Variants in IL1RAPL2 observed in about 807,000 individuals in gnomAD.
The protein encoded by IL1RAPL2 is interleukin 1 receptor accessory protein like 2, also known as X-linked interleukin-1 receptor accessory protein-like 2.
In IL1RAPL2, 3 loss-of-function variants were observed where a neutral mutation model predicts 44.1. The ratio of observed to expected loss-of-function variants is 0.07; its 90% CI spans 0.03 to 0.18. The LOEUF (loss-of-function observed/expected upper bound fraction) is 0.18. IL1RAPL2 is among the 10% of genes least tolerant of loss of function. The probability of loss-of-function intolerance (pLI) is 1.00; values close to 1 mark genes in which losing one functional copy is unlikely to be tolerated. For synonymous variants in IL1RAPL2, 181 were observed against 178.8 expected (o/e 1.01, Z -0.10); for missense variants, 391 against 496.4 (o/e 0.79, Z 2.02).
At chrX:104,677,680 G>A (rs1930802721) in intron 2 of IL1RAPL2, among the ~76,000 whole-genome samples, 1 of 112,400 alleles carries the variant, frequency 8.9e-6, no homozygotes, top group South Asian at 3.7e-4. Context: ...GCAATGGCGG[G>A]CGCCCCTCCC....
intron 8 of IL1RAPL2, among the ~76,000 whole-genome samples, chrX:105,745,843 G>A (rs947735625): frequency 5.4e-5 from 6 of 110,282 alleles, no homozygotes; most frequent in Non-Finnish European, 1.1e-4. Flanking sequence ...CACCATGCCC[G>A]ACTAATTGTT....
intron 5 of IL1RAPL2, among the ~76,000 whole-genome samples, chrX:105,420,325 C>A (rs944105458): frequency 8.9e-6 from 1 of 111,978 alleles, no homozygotes; most frequent in African/African-American, 3.2e-5. Context: ...TTACTCAATG[C>A]GGAATCCTCT....
chrX:105,040,056 T>C (rs2031699448), intron 2 of IL1RAPL2, among the ~76,000 whole-genome samples: 1 of 110,993 alleles, frequency 9.0e-6, no homozygotes, highest in African/African-American at 3.3e-5. Context: ...ATATGTCCCA[T>C]CAGTACCTAA....
At chrX:105,264,761 C>T (rs6621952) in intron 4 of IL1RAPL2, among the ~76,000 whole-genome samples, 9 of 111,138 alleles carry the variant, frequency 8.1e-5, no homozygotes, top group African/African-American at 2.9e-4. Context: ...CTGAAGATGA[C>T]AGAACTTGGG....
chrX:104,966,732 C>T (rs1486806409), intron 2 of IL1RAPL2, among the ~76,000 whole-genome samples: 4 of 112,344 alleles, frequency 3.6e-5, no homozygotes, highest in Non-Finnish European at 7.5e-5. Context: ...GATCAACACA[C>T]ATTTACAAAT....
At chrX:105,648,749 T>A (rs2037623804) in intron 6 of IL1RAPL2, among the ~76,000 whole-genome samples, 1 of 112,224 alleles carries the variant, frequency 8.9e-6, no homozygotes, top group Non-Finnish European at 1.9e-5. Context: ...AAACTGTGAT[T>A]CTTCCTTTGG....
At chrX:105,765,379 TTA>T (rs1446734604) in intron 10 of IL1RAPL2, 1 of 112,408 alleles carries the variant, frequency 8.9e-6, no homozygotes. Context: ...AACTTCTCAA[TTA>T]CTATTTCTGT....
At chrX:104,994,617 C>A (rs766963184) in intron 2 of IL1RAPL2, among the ~76,000 whole-genome samples, 1 of 111,330 alleles carries the variant, frequency 9.0e-6, no homozygotes, top group South Asian at 3.8e-4. Context: ...TAAAGCATAT[C>A]TAGTTCATTA....
At chrX:105,194,758 C>T (rs2033660702) in intron 2 of IL1RAPL2, among the ~76,000 whole-genome samples, 1 of 111,841 alleles carries the variant, frequency 8.9e-6, no homozygotes, top group South Asian at 3.8e-4. Context: ...TAGGTGCCTA[C>T]TACTTCCAAC....
chrX:104,956,489 T>TGTGTGTGTGTGTGTGTGC (rs1430120038), intron 2 of IL1RAPL2, among the ~76,000 whole-genome samples: 1 of 108,768 alleles, frequency 9.2e-6, no homozygotes, highest in African/African-American at 3.4e-5. Flanking sequence ...TGTGTGTGTG[T>TGTGTGTGTGTGTGTGTGC]GTGTGTTATG....
chrX:105,227,181 C>G (rs2034024627), intron 3 of IL1RAPL2, among the ~76,000 whole-genome samples: 1 of 109,828 alleles, frequency 9.1e-6, no homozygotes, highest in Non-Finnish European at 1.9e-5. Flanking sequence ...TGTAACTAAC[C>G]TGCACATTGT....
chrX:105,667,037 C>T (rs1217744649), intron 6 of IL1RAPL2, among the ~76,000 whole-genome samples: 3 of 112,026 alleles, frequency 2.7e-5, no homozygotes, highest in African/African-American at 9.7e-5. Context: ...TATTCCATAG[C>T]AATAGTTTCA....
At chrX:105,486,747 T>TATCTATCTATCTATCTATCTATC (rs1243194861) in intron 6 of IL1RAPL2, among the ~76,000 whole-genome samples, 12 of 109,881 alleles carry the variant, frequency 1.1e-4, no homozygotes, top group African/African-American at 4.0e-4. Flanking sequence ...TCTATCTATC[T>TATCTATCTATCTATCTATCTATC]ATCTATCTAT....
intron 2 of IL1RAPL2, among the ~76,000 whole-genome samples, chrX:104,810,395 C>T (rs1213179206): frequency 9.1e-6 from 1 of 109,543 alleles, no homozygotes; most frequent in Non-Finnish European, 1.9e-5. Context: ...GCACATGTAC[C>T]CTAAAACTTA....
chrX:105,395,647 C>G (rs973812954), intron 5 of IL1RAPL2, among the ~76,000 whole-genome samples: 4 of 111,190 alleles, frequency 3.6e-5, no homozygotes, highest in Admixed American at 2.9e-4. Flanking sequence ...AAAAAAATCT[C>G]AGTGTGTCCG....
intron 1 of IL1RAPL2, among the ~76,000 whole-genome samples, chrX:104,570,012 T>C (rs977120602): frequency 1.8e-5 from 2 of 112,481 alleles, no homozygotes; most frequent in African/African-American, 3.2e-5. Context: ...ATGTACACAC[T>C]GCCTTCTTCG....
intron 5 of IL1RAPL2, among the ~76,000 whole-genome samples, chrX:105,438,025 C>T (rs757107764): frequency 8.9e-6 from 1 of 111,824 alleles, no homozygotes; most frequent in African/African-American, 3.2e-5. Flanking sequence ...CATAACTCAT[C>T]AAACTTAACC....
At chrX:105,420,121 G>C (rs1015180801) in intron 5 of IL1RAPL2, among the ~76,000 whole-genome samples, 3 of 110,025 alleles carry the variant, frequency 2.7e-5, no homozygotes, top group Non-Finnish European at 3.8e-5. Context: ...GCCTGGGAGG[G>C]ATTTTTGAAG....
At chrX:105,206,468 G>A (rs782243646) in intron 3 of IL1RAPL2, among the ~76,000 whole-genome samples, 1 of 111,740 alleles carries the variant, frequency 8.9e-6, no homozygotes, top group Non-Finnish European at 1.9e-5. Flanking sequence ...TTTCTCTACT[G>A]TCTTCTCAAT....
Sources: allele counts gnomAD v4.1 joint callset (sites outside exome capture counted in the v4.1 genomes callset), GRCh38; gene constraint gnomAD v4.1.1; transcripts MANE v1.5; gene names NCBI Gene and HGNC (gene_info 2026-07-23, HGNC 2026-07-21).